PCDH15: variants seen among roughly 807,000 people sequenced by gnomAD.
The protein encoded by PCDH15 is protocadherin related 15.
A neutral mutation model predicts 178.5 loss-of-function variants in PCDH15; 129 were observed. That is an observed-to-expected ratio of 0.72 (90% confidence interval 0.63 to 0.84). PCDH15 has a LOEUF of 0.84. PCDH15 is among the 40% of genes least tolerant of loss of function. The pLI is 0.00. For synonymous variants in PCDH15, 800 were observed against 732.0 expected, an observed-to-expected ratio of 1.09 and a Z score of -1.50; for missense variants, 2,230 against 2,099.9, an observed-to-expected ratio of 1.06 and a Z score of -1.21.
chr10:55,199,304 A>G (rs1840177269), intron 1 of PCDH15, among the ~76,000 whole-genome samples: 1 of 152,112 alleles, frequency 6.6e-6, no homozygotes, highest in African/African-American at 2.4e-5. Flanking sequence ...TAGCAAAGAG[A>G]TTGGTGGCAT....
At chr10:55,359,647 T>C (rs1845174126) in intron 2 of PCDH15, among the ~76,000 whole-genome samples, 1 of 150,000 alleles carries the variant, frequency 6.7e-6, no homozygotes, top group Admixed American at 6.7e-5. Flanking sequence ...TTATTCAGCA[T>C]TATTCACAAT....
intron 23 of PCDH15, among the ~76,000 whole-genome samples, chr10:53,952,367 G>A (rs1469382111): frequency 6.6e-6 from 1 of 152,184 alleles, no homozygotes; most frequent in East Asian, 1.9e-4. Context: ...CTATATGCAG[G>A]CAGGCTGTCC....
chr10:54,398,231 T>A (rs548141439), intron 3 of PCDH15, among the ~76,000 whole-genome samples: 105 of 151,268 alleles, frequency 6.9e-4, no homozygotes, highest in African/African-American at 1.9e-3. Context: ...CTTGCTTGTT[T>A]AAAAAAAAAT....
chr10:55,559,225 G>T (rs909633200), intron 2 of PCDH15, among the ~76,000 whole-genome samples: 3 of 151,832 alleles, frequency 2.0e-5, no homozygotes, highest in Non-Finnish European at 2.9e-5. Context: ...CAATATAGTC[G>T]ATGGGCCTAT....
intron 2 of PCDH15, among the ~76,000 whole-genome samples, chr10:55,403,389 T>C (rs551952962): frequency 2.6e-5 from 4 of 151,800 alleles, no homozygotes; most frequent in Non-Finnish European, 4.4e-5. Context: ...TAGTACCATT[T>C]GCCTTTTTTT....
rs1564769725 is a variant in PCDH15, at chr10:55,070,846, G to A, written c.-80+95730C>T. Among the ~76,000 whole-genome samples the A allele has an allele frequency of 3.9e-5, 6 of 152,168 alleles. No homozygotes were observed. The South Asian group carries it at 1.2e-3, about 32-fold the overall frequency. The stretch of plus-strand genomic sequence containing the variant: ...TTGGTAGCTTGATGGGGATGGCATT[G>A]AATCTATAAATTACCTTGGGCAGTA... On this transcript the variant is annotated intron_variant, in intron 2 of 5. Transcript: ENST00000458638.
At chr10:55,496,737 G>C (rs1020574932) in intron 2 of PCDH15, among the ~76,000 whole-genome samples, 1 of 151,770 alleles carries the variant, frequency 6.6e-6, no homozygotes. Flanking sequence ...CTATATATGG[G>C]CTTATATATG....
At chr10:54,118,615 G>T (rs2095158557) in intron 15 of PCDH15, among the ~76,000 whole-genome samples, 1 of 151,996 alleles carries the variant, frequency 6.6e-6, no homozygotes. Flanking sequence ...AGTCGAGATT[G>T]TGCCACTGCA....
intron 8 of PCDH15, among the ~76,000 whole-genome samples, chr10:54,302,612 C>T (rs2060208139): frequency 6.6e-6 from 1 of 152,110 alleles, no homozygotes; most frequent in African/African-American, 2.4e-5. Flanking sequence ...TCTTAGAATG[C>T]CAACCTCCAG....
Position 53,908,272 on chromosome 10 carries a change from T to C in PCDH15, c.3374-4902A>G, listed in dbSNP as rs147977561. Among the ~76,000 whole-genome samples the C allele has an allele frequency of 4.8e-3, 734 of 152,168 alleles. 10 individuals carry two copies. Among genetic ancestry groups the C allele is most frequent in the African/African-American group, 0.017 (712 of 41,526 alleles). On this transcript the variant is annotated intron_variant, in intron 25 of 37. Transcript: ENST00000644397. ...AACGAACAAACAAACAAACAAAATA[T>C]TTGGGCCAAAATGCCATTAGTGATG...
At chr10:54,136,100 A>G (rs944642677) in intron 14 of PCDH15, among the ~76,000 whole-genome samples, 1 of 152,156 alleles carries the variant, frequency 6.6e-6, no homozygotes, top group African/African-American at 2.4e-5. Flanking sequence ...ACTTGGCTAA[A>G]TTCCTACAAA....
chr10:54,042,434 AC>A (rs2093567706), intron 18 of PCDH15, among the ~76,000 whole-genome samples: 1 of 152,084 alleles, frequency 6.6e-6, no homozygotes, highest in Non-Finnish European at 1.5e-5. Context: ...TTTCTGGAGG[AC>A]AGGGAGAGTG....
At chr10:54,570,834 T>TTTTC (rs1358528354) in intron 2 of PCDH15, among the ~76,000 whole-genome samples, 1 of 150,186 alleles carries the variant, frequency 6.7e-6, no homozygotes, top group Non-Finnish European at 1.5e-5. Flanking sequence ...TTTTTCTTTT[T>TTTTC]TTTTTGTATT....
At chr10:54,274,926 C>T (rs1213402362) in intron 8 of PCDH15, among the ~76,000 whole-genome samples, 1 of 151,884 alleles carries the variant, frequency 6.6e-6, no homozygotes, top group African/African-American at 2.4e-5. Context: ...GAAGCTTTCT[C>T]TTTAAAATAA....
At chr10:53,924,646 T>G (rs2084332104) in intron 25 of PCDH15, among the ~76,000 whole-genome samples, 1 of 152,202 alleles carries the variant, frequency 6.6e-6, no homozygotes. Flanking sequence ...GGCTCCTGAG[T>G]CTAGTGGGGA....
intron 32 of PCDH15, chr10:53,822,506 G>A: frequency 6.2e-7 from 1 of 1,612,504 alleles, no homozygotes; most frequent in East Asian, 2.2e-5. Context: ...CAGAAGGAGA[G>A]ATGTTTGGTG....
intron 8 of PCDH15, among the ~76,000 whole-genome samples, chr10:54,250,336 G>T (rs1448656175): frequency 6.8e-6 from 1 of 148,140 alleles, no homozygotes; most frequent in Non-Finnish European, 1.5e-5. Flanking sequence ...AGGCTAGAGG[G>T]CAGTGGCGCA....
At chr10:55,017,086 G>T (rs1416431315) in intron 2 of PCDH15, among the ~76,000 whole-genome samples, 1 of 152,086 alleles carries the variant, frequency 6.6e-6, no homozygotes, top group East Asian at 1.9e-4. Context: ...GGGAAATAGA[G>T]ACCCCAACTT....
At chr10:54,647,047 T>C (rs1308930619) in intron 2 of PCDH15, among the ~76,000 whole-genome samples, 1 of 152,132 alleles carries the variant, frequency 6.6e-6, no homozygotes, top group Non-Finnish European at 1.5e-5. Context: ...ACCATGTTAC[T>C]GCAGCACTAT....
Sources: allele counts gnomAD v4.1 joint callset (sites outside exome capture counted in the v4.1 genomes callset), GRCh38; gene constraint gnomAD v4.1.1; transcripts MANE v1.5; gene names NCBI Gene and HGNC (gene_info 2026-07-23, HGNC 2026-07-21).